Variants in ZNF77 observed in about 807,000 individuals in gnomAD.
ZNF77 encodes ZNFpT1.
ZNF77 carries 15 observed loss-of-function variants against 13.5 expected under a neutral mutation model. The observed-to-expected ratio is 1.11, with a 90% CI of 0.74 to 1.71. The LOEUF (loss-of-function observed/expected upper bound fraction) is 1.71. Ranked by LOEUF, ZNF77 falls within the 40% of genes most tolerant of loss-of-function variation. The pLI, the probability that ZNF77 is intolerant of heterozygous loss-of-function variation, is 0.00. For synonymous variants in ZNF77, 282 were observed against 250.0 expected, an observed-to-expected ratio of 1.13 and a Z score of -1.21; for missense variants, 717 against 676.4, an observed-to-expected ratio of 1.06 and a Z score of -0.67.
intron 1 of ZNF77, among the ~76,000 whole-genome samples, chr19:2,940,907 G>A (rs1050043661): frequency 6.6e-6 from 1 of 152,096 alleles, no homozygotes; most frequent in Non-Finnish European, 1.5e-5. Flanking sequence ...GGGCTTGGTG[G>A]CTCAGGCCTA....
chr19:2,944,954 C>A lies in ZNF77; in HGVS notation c.-114G>T. 7.4e-7 allele frequency: 1 copy of A among 1,346,220 alleles called. No homozygotes were observed. The highest frequency in any genetic ancestry group is 9.8e-7 in the Non-Finnish European group (1 of 1,019,616). 83.4% of individuals were successfully genotyped at this position (1,346,220 alleles called of 1,614,324 possible). On this transcript the variant is annotated 5_prime_UTR_variant, in exon 1 of 4. Coordinates refer to ENST00000314531, the MANE Select transcript of ZNF77 (RefSeq NM_021217.3). ...GGGGTAGGCGGGGAAGCGCGCAAGG[C>A]AGAGGGGAACTCGGCTTACCGTCCT...
chr19:2,933,361 C>G lies in ZNF77; in HGVS notation c.*128G>C, dbSNP rs1045257534. On this transcript the variant is annotated 3_prime_UTR_variant, in exon 4 of 4. Transcript: ENST00000314531. ...ATAATTAAGAGATTTCTCTCCTACT[C>G]TGAATTTTTAGGTACAAAATAAGTG... 1.7e-6 allele frequency: 2 copies of G among 1,182,556 alleles called. No homozygotes were observed. Among genetic ancestry groups the G allele is most frequent in the East Asian group, 4.9e-5 (2 of 41,220 alleles). 73.3% of individuals were successfully genotyped at this position (1,182,556 alleles called of 1,614,324 possible).
Position 2,939,407 on chromosome 19 carries a change from C to A in ZNF77, c.4G>T (p.Asp2Tyr). Residue 2 changes from aspartate to tyrosine, a missense_variant and splice_region_variant, in exon 2 of 4, where the codon GAC becomes TAC. By Grantham distance (160) the Asp-to-Tyr change is radical. Transcript: ENST00000314531. ...GCCACTTCCTCAAAGATCACGCAGT[C>A]CTAAAACATTCCACACATCCCACTT... The part of the protein sequence containing the change: M[D>Y]CVIFEEVAVN... 6.2e-7 allele frequency: 1 copy of A among 1,613,910 alleles called. No homozygotes were observed. The highest frequency in any genetic ancestry group is 8.5e-7 in the Non-Finnish European group (1 of 1,179,848).
chr19:2,938,764 G>C (rs796249961), intron 2 of ZNF77, among the ~76,000 whole-genome samples: 3 of 152,194 alleles, frequency 2.0e-5, no homozygotes, highest in South Asian at 2.1e-4. Flanking sequence ...AGACCATCCT[G>C]GCTAACACGG....
chr19:2,935,354 G>A (rs2088386907), intron 3 of ZNF77, among the ~76,000 whole-genome samples: 2 of 103,238 alleles, frequency 1.9e-5, no homozygotes, highest in African/African-American at 4.0e-5. Context: ...TTTCACTCTT[G>A]TTGCCCAGGC....
chr19:2,944,758 G>C, intron 1 of ZNF77, 80 bp downstream of exon 1: 6 of 1,463,194 alleles, frequency 4.1e-6, no homozygotes, highest in African/African-American at 2.9e-5. Context: ...AGCTTTCTCC[G>C]GCTGCGAACT....
intron 1 of ZNF77, among the ~76,000 whole-genome samples, chr19:2,944,105 C>T (rs776646673): frequency 1.3e-5 from 2 of 151,142 alleles, no homozygotes; most frequent in African/African-American, 2.4e-5. Flanking sequence ...CGGCTCCTGC[C>T]CTCTCCTCCC....
rs561862476 is a variant in ZNF77 at position 2,934,332 on chromosome 19, C to G, written c.795G>C (p.Glu265Asp). Residue 265 changes from glutamate to aspartate, a missense_variant, in exon 4 of 4, where the codon GAG becomes GAC. By Grantham distance (45) the Glu-to-Asp change is conservative. Transcript: ENST00000314531. ...LTRHVRTHTGEKPYECKECGK... is the reference protein window; with the variant it reads ...LTRHVRTHTGDKPYECKECGK... ...CACACTCCTTACACTCATAGGGTTT[C>G]TCTCCTGTGTGAGTTCTTACGTGCC... is the stretch of plus-strand genomic sequence containing the variant. 35 of 1,614,210 alleles carry G rather than the reference C, an allele frequency of 2.2e-5. 1 individual carries two copies. The South Asian group carries it at 3.5e-4, about 16-fold the overall frequency.
rs943835188 is a variant in ZNF77 at position 2,944,939 on chromosome 19, G to A, written c.-99C>T. The A allele has an allele frequency of 5.5e-5, 79 of 1,429,254 alleles. No individual in the cohort carries two copies. The African/African-American group carries it at 1.0e-3, about 19-fold the overall frequency. The allele number at this position is 1,429,254 out of a possible 1,614,324, so 88.5% of individuals were successfully genotyped here. A position where few individuals can be genotyped will look rare whatever the true frequency, so the allele number is the denominator to read the frequency against. On this transcript the variant is annotated 5_prime_UTR_variant, in exon 1 of 4. Transcript: ENST00000314531. ...ACACCTGAGCCGCTCGGGGTAGGCG[G>A]GGAAGCGCGCAAGGCAGAGGGGAAC...
rs936553869 is a variant in ZNF77, at chr19:2,944,964, C to A, written c.-124G>T. 31 of 1,265,492 alleles carry A rather than the reference C, an allele frequency of 2.4e-5. No homozygotes were observed. The African/African-American group carries it at 3.6e-4, about 15-fold the overall frequency. The allele number at this position is 1,265,492 out of a possible 1,614,324, so 78.4% of individuals were successfully genotyped here. A position where few individuals can be genotyped will look rare whatever the true frequency, so the allele number is the denominator to read the frequency against. On this transcript the variant is annotated 5_prime_UTR_variant, in exon 1 of 4. Transcript: ENST00000314531. ...GGGAAGCGCGCAAGGCAGAGGGGAA[C>A]TCGGCTTACCGTCCTCGGGGTCTGA...
At position 2,934,155 on chromosome 19, in the gene ZNF77, A is replaced by ACC; in HGVS notation, c.971_972insGG (p.Cys324TrpfsTer49). The ACC allele has an allele frequency of 1.2e-6, 2 of 1,614,102 alleles. No individual in the cohort carries two copies. Among genetic ancestry groups the ACC allele is most frequent in the Non-Finnish European group, 1.7e-6 (2 of 1,179,992 alleles). On this transcript the variant is annotated frameshift_variant, in exon 4 of 4. Coordinates refer to ENST00000314531, the MANE Select transcript of ZNF77 (RefSeq NM_021217.3). LOFTEE classifies it low-confidence loss of function (END_TRUNC). ...ACGCTTTTCCGCAATGTTTACACTG[A>ACC]CAGGGTTTCTCTCCAGTGTGCGTCC...
At position 2,933,848 on chromosome 19, in the gene ZNF77, C is replaced by T. The variant is rs182743134; in HGVS notation, c.1279G>A (p.Val427Met). The T allele has an allele frequency of 4.9e-5, 79 of 1,613,768 alleles. No individual in the cohort carries two copies. The highest frequency in any genetic ancestry group is 1.3e-4 in the East Asian group (6 of 44,874). ...GGCTTCTCTCCAGTATGCGTCCTCA[C>T]GTGGATTCGAAGGGAGGAGGAAAAA... ...YSFSSSLRIHVRTHTGEKPFE... is the reference protein window; with the variant it reads ...YSFSSSLRIHMRTHTGEKPFE... The change falls in exon 4 of 4, where the codon GTG becomes ATG. Residue 427 changes from valine (V) to methionine (M), a missense_variant. Physicochemically the swap from Val to Met is conservative, Grantham distance 21. Coordinates refer to ENST00000314531, the MANE Select transcript of ZNF77 (RefSeq NM_021217.3).
At chr19:2,940,678 G>GAAAA (rs71179936) in intron 1 of ZNF77, among the ~76,000 whole-genome samples, 3 of 114,614 alleles carry the variant, frequency 2.6e-5, no homozygotes, top group Non-Finnish European at 3.5e-5. Flanking sequence ...TCACAAAAAA[G>GAAAA]AAAAAAAAAA....
Position 2,936,643 on chromosome 19 carries a change from T to C in ZNF77, c.192A>G (p.Gly64=), listed in dbSNP as rs371089667. The change falls in exon 3 of 4, where the codon GGA becomes GGG. Residue 64 remains glycine (G), a synonymous_variant. Transcript: ENST00000314531. ...SSSQRDVFGN[G]ISNDEEIVKF... is the part of the protein sequence containing the mutation. ...TTACAATCTCTTCATCATTGGATATTCCATTCCCAAAAACGTCCCTCTGAG... is the reference window on the plus strand; with the variant it reads ...TTACAATCTCTTCATCATTGGATATCCCATTCCCAAAAACGTCCCTCTGAG... 1 of 1,610,496 alleles carries C rather than the reference T, an allele frequency of 6.2e-7. No homozygotes were observed. Among genetic ancestry groups the C allele is most frequent in the Non-Finnish European group, 8.5e-7 (1 of 1,179,104 alleles).
Position 2,934,675 on chromosome 19 carries a change from A to G in ZNF77, c.452T>C (p.Phe151Ser), listed in dbSNP as rs1217160345. The change falls in exon 4 of 4, where the codon TTC becomes TCC. Residue 151 changes from phenylalanine (F) to serine (S), a missense_variant. Coordinates refer to ENST00000314531, the MANE Select transcript of ZNF77 (RefSeq NM_021217.3). The stretch of plus-strand genomic sequence containing the variant: ...AGTGTGAGATCTCTGCCGATTCTCG[A>G]AGGCTTTGCCACACTTAGTGCACTC... Reference protein sequence around the residue: ...PSECTKCGKAFENRQRSHTGQ... With the variant: ...PSECTKCGKASENRQRSHTGQ... 6.2e-7 allele frequency: 1 copy of G among 1,614,084 alleles called. No individual in the cohort carries two copies. The highest frequency in any genetic ancestry group is 8.5e-7 in the Non-Finnish European group (1 of 1,180,004).
At position 2,934,579 on chromosome 19, in the gene ZNF77, G is replaced by C; in HGVS notation, c.548C>G (p.Thr183Arg). The C allele has an allele frequency of 1.9e-6, 3 of 1,614,136 alleles. No homozygotes were observed. Among genetic ancestry groups the C allele is most frequent in the Non-Finnish European group, 2.5e-6 (3 of 1,180,002 alleles). ...CLSCQSPPMK[T>R]QTVEKPCNCQ... ...ATTACAGGGTTTCTCTACAGTCTGC[G>C]TTTTCATAGGAGGGCTTTGGCAGGA... Residue 183 changes from threonine (T) to arginine (R), a missense_variant, in exon 4 of 4, where the codon ACG becomes AGG. Transcript: ENST00000314531.
In ZNF77 at chr19:2,935,601, G is replaced by C. The variant is rs141433676; in HGVS notation, c.312-786C>G. On this transcript the variant is annotated intron_variant, in intron 3 of 3. Transcript: ENST00000314531. Reference sequence around the variant, plus strand: ...CTGCCTCAGCCTCCCAAAGTGCTGGGATTACAGGCGTGAGCCACTGCGCCC... The same window carrying C: ...CTGCCTCAGCCTCCCAAAGTGCTGGCATTACAGGCGTGAGCCACTGCGCCC... Among the ~76,000 whole-genome samples, 759 of 152,180 alleles carry C rather than the reference G, an allele frequency of 5.0e-3. 5 individuals are homozygous for C. Among genetic ancestry groups the C allele is most frequent in the African/African-American group, 0.017 (691 of 41,534 alleles).
At chr19:2,944,799 T>C in intron 1 of ZNF77, 39 bp downstream of exon 1, 1 of 1,503,536 alleles carries the variant, frequency 6.7e-7, no homozygotes, top group Non-Finnish European at 8.8e-7. Flanking sequence ...CCGCCCCACC[T>C]CGCCCTGGGC....
Position 2,933,747 on chromosome 19 carries a change from T to G in ZNF77, c.1380A>C (p.Gly460=), listed in dbSNP as rs778155143. 3.1e-6 allele frequency: 5 copies of G among 1,612,732 alleles called. No individual in the cohort carries two copies. The South Asian group carries it at 5.5e-5, about 18-fold the overall frequency. The change falls in exon 4 of 4, where the codon GGA becomes GGC. Residue 460 remains glycine (G), a synonymous_variant. Transcript: ENST00000314531. ...SLREHVRTHS[G]EKPYECNQCG... ...ATTGATTACATTCGTACGGTTTCTC[T>G]CCGCTGTGGGTTCGCACATGCTCTC...
Sources: allele counts gnomAD v4.1 joint callset (sites outside exome capture counted in the v4.1 genomes callset), GRCh38; gene constraint gnomAD v4.1.1; transcripts MANE v1.5; gene names NCBI Gene and HGNC (gene_info 2026-07-23, HGNC 2026-07-21).